GNL3L: variants seen among roughly 807,000 people sequenced by gnomAD.
The protein encoded by GNL3L is G protein nucleolar 3 like.
In GNL3L, 4 loss-of-function variants were observed where a neutral mutation model predicts 42.9. The observed-to-expected ratio is 0.09, with a 90% CI of 0.05 to 0.21. The LOEUF is 0.21. GNL3L is among the 10% of genes least tolerant of loss of function. The pLI, the probability that GNL3L is intolerant of heterozygous loss-of-function variation, is 1.00. For missense variants in GNL3L, 412 were observed against 481.7 expected, an observed-to-expected ratio of 0.86 and a Z score of 1.36; for synonymous variants, 159 against 176.3, an observed-to-expected ratio of 0.90 and a Z score of 0.78.
At chrX:54,546,406 T>C (rs1295371353) in intron 8 of GNL3L, among the ~76,000 whole-genome samples, 1 of 111,415 alleles carries the variant, frequency 9.0e-6, no homozygotes, top group East Asian at 2.8e-4. Context: ...AGTGTGTGTT[T>C]GTAGGTGAGG....
chrX:54,549,571 C>T lies in GNL3L; in HGVS notation c.775+1198C>T, dbSNP rs184193656. On this transcript the variant is annotated intron_variant, in intron 9 of 15. Transcript: ENST00000360845. ...AAAATTAGATGTGTGTGGTGGCGGG[C>T]ATTTGTAATCCCAGGTACTCGGGAG... is the stretch of plus-strand genomic sequence containing the variant. Among the ~76,000 whole-genome samples, 19 of 112,212 alleles carry T rather than the reference C, an allele frequency of 1.7e-4. No individual in the cohort carries two copies. In the East Asian group the frequency reaches 5.3e-3, roughly 32 times the overall value.
chrX:54,644,582 C>T, the GNL3L span, among the ~76,000 whole-genome samples: 1 of 111,804 alleles, frequency 8.9e-6, no homozygotes, highest in Non-Finnish European at 1.9e-5. Flanking sequence ...TTCATATGTG[C>T]TTTTGTTTAT....
intron 16 of GNL3L, among the ~76,000 whole-genome samples, chrX:54,608,219 T>C (rs1460885955): frequency 9.0e-6 from 1 of 111,665 alleles, no homozygotes; most frequent in Non-Finnish European, 1.9e-5. Context: ...TTTCTTTTTT[T>C]TGCCTGACAC....
At chrX:54,607,089 C>CTT (rs1569542632) in intron 16 of GNL3L, among the ~76,000 whole-genome samples, 1 of 43,905 alleles carries the variant, frequency 2.3e-5, no homozygotes, top group Non-Finnish European at 4.0e-5. Context: ...TTTCTTCTTT[C>CTT]TTTCTTTCTT....
Position 54,607,068 on chromosome X carries a change from CTTTCTCTTTCTTTCTTCTT to C in GNL3L, c.*46-13775_*46-13757del, listed in dbSNP as rs1569542622. On this transcript the variant is annotated intron_variant, in intron 16 of 16. Transcript: ENST00000674498. ...TCTTTCTTTCTTTCTTTCTTTCTTT[CTTTCTCTTTCTTTCTTCTT>C]TCTTTCTTTCTTTCTTTCTTTCTTT... Among the ~76,000 whole-genome samples, 84 of 36,063 alleles carry C rather than the reference CTTTCTCTTTCTTTCTTCTT, an allele frequency of 2.3e-3. 1 individual carries two copies. The highest frequency in any genetic ancestry group is 0.011 in the African/African-American group (74 of 6,787). The allele number at this position is 36,063 out of a possible 115,157, so 31.3% of individuals were successfully genotyped here.
At chrX:54,636,560 G>T in the GNL3L span, among the ~76,000 whole-genome samples, 1 of 108,639 alleles carries the variant, frequency 9.2e-6, no homozygotes, top group Middle Eastern at 4.7e-3. Context: ...AGTGTCTATT[G>T]TTCCCATTTT....
At chrX:54,609,985 G>A (rs572063423) in intron 16 of GNL3L, among the ~76,000 whole-genome samples, 7 of 112,052 alleles carry the variant, frequency 6.2e-5, no homozygotes, top group African/African-American at 2.3e-4. Flanking sequence ...CATGAGCATG[G>A]GATGTGTTTC....
At chrX:54,535,483 T>C (rs1292635155) in intron 2 of GNL3L, among the ~76,000 whole-genome samples, 2 of 112,076 alleles carry the variant, frequency 1.8e-5, no homozygotes, top group South Asian at 7.3e-4. Context: ...TATGTTTTGC[T>C]AACTTGATGA....
At chrX:54,645,525 A>G in the GNL3L span, among the ~76,000 whole-genome samples, 2 of 111,647 alleles carry the variant, frequency 1.8e-5, no homozygotes, top group African/African-American at 3.2e-5. Context: ...TAACTCTTGC[A>G]CTCTTAGAAT....
chrX:54,554,441 T>G, intron 13 of GNL3L, 124 bp from the exon 14 acceptor site: 1 of 587,781 alleles, frequency 1.7e-6, no homozygotes, highest in Non-Finnish European at 2.6e-6. Context: ...TCAGCAGGAG[T>G]GAAAAAGTTC....
intron 16 of GNL3L, among the ~76,000 whole-genome samples, chrX:54,603,939 G>A (rs1158735998): frequency 9.0e-6 from 1 of 110,867 alleles, no homozygotes; most frequent in African/African-American, 3.3e-5. Flanking sequence ...CCAGGAGTTC[G>A]AGGCCTGGGC....
intron 5 of GNL3L, among the ~76,000 whole-genome samples, chrX:54,542,103 A>G (rs1924639477): frequency 9.0e-6 from 1 of 111,481 alleles, no homozygotes; most frequent in African/African-American, 3.3e-5. Flanking sequence ...TTATTTTTTA[A>G]ATTATTATTT....
intron 2 of GNL3L, among the ~76,000 whole-genome samples, chrX:54,538,295 C>T (rs1311200261): frequency 1.8e-5 from 2 of 111,516 alleles, no homozygotes; most frequent in African/African-American, 3.3e-5. Flanking sequence ...GTGTGGTATT[C>T]TCGAGCTGCT....
At chrX:54,592,162 G>A (rs764808094) in intron 16 of GNL3L, among the ~76,000 whole-genome samples, 8 of 111,597 alleles carry the variant, frequency 7.2e-5, no homozygotes, top group South Asian at 7.4e-4. Context: ...TGTTGATTTC[G>A]AAACCTGCTA....
chrX:54,544,144 C>T (rs1001087278), intron 7 of GNL3L, 79 bp from the exon 8 acceptor site: 23 of 528,441 alleles, frequency 4.4e-5, no homozygotes, highest in African/African-American at 3.2e-4. Flanking sequence ...GCTTTGGGTA[C>T]GGGTGGAGGT....
intron 16 of GNL3L, among the ~76,000 whole-genome samples, chrX:54,607,082 C>CTTCTTTCT (rs751343853): frequency 0.026 from 575 of 21,901 alleles, 41 homozygotes; most frequent in Middle Eastern, 0.074. Context: ...CTCTTTCTTT[C>CTTCTTTCT]TTCTTTCTTT....
chrX:54,530,814 T>C (rs1924223220), intron 1 of GNL3L, among the ~76,000 whole-genome samples: 1 of 111,555 alleles, frequency 9.0e-6, no homozygotes, highest in East Asian at 2.8e-4. Flanking sequence ...AGGCACCTCC[T>C]CAGGACAGAC....
chrX:54,555,494 G>A (rs6614254), intron 14 of GNL3L, among the ~76,000 whole-genome samples: 9,741 of 104,311 alleles, frequency 0.093, 598 homozygotes, highest in East Asian at 0.48. Context: ...TTTTTGAGAT[G>A]GAAACTCGCT....
Position 54,561,751 on chromosome X carries a change from G to A in GNL3L, c.*1149G>A, listed in dbSNP as rs974483483. Among the ~76,000 whole-genome samples the A allele has an allele frequency of 3.6e-5, 4 of 111,220 alleles. No individual in the cohort carries two copies. Among genetic ancestry groups the A allele is most frequent in the South Asian group, 3.8e-4 (1 of 2,645 alleles). On this transcript the variant is annotated 3_prime_UTR_variant, in exon 16 of 16. Transcript: ENST00000360845. ...CCATTTATTCACAGACTGTATCCTC[G>A]AGAGAGCTGCTATATATGGGAGTGT...
Sources: allele counts gnomAD v4.1 joint callset (sites outside exome capture counted in the v4.1 genomes callset), GRCh38; gene constraint gnomAD v4.1.1; transcripts MANE v1.5; gene names NCBI Gene and HGNC (gene_info 2026-07-23, HGNC 2026-07-21).